Variants in TSKS observed in about 807,000 individuals in gnomAD.
TSKS encodes testis specific serine kinase substrate, also known as testis-specific serine kinase substrate.
Under a neutral mutation model 68.0 loss-of-function variants are expected in TSKS, and 27 were observed. The ratio of observed to expected loss-of-function variants is 0.40; its 90% confidence interval spans 0.29 to 0.55. The LOEUF is 0.55. Among genes scored for constraint, TSKS ranks in the 20% least tolerant of loss-of-function variants. TSKS has a pLI of 0.53. For synonymous variants in TSKS, 331 were observed against 340.4 expected (o/e 0.97, Z 0.30); for missense variants, 806 against 776.0 (o/e 1.04, Z -0.46).
chr19:49,740,885 CAA>C (rs534874558), intron 9 of TSKS, among the ~76,000 whole-genome samples: 3 of 123,868 alleles, frequency 2.4e-5, no homozygotes, highest in Admixed American at 8.2e-5. Flanking sequence ...ACTCTGTCTC[CAA>C]AAAAAAAAAG....
At position 49,747,366 on chromosome 19, in the gene TSKS, T is replaced by C. The variant is rs373756853; in HGVS notation, c.663+23A>G. On this transcript the variant is annotated intron_variant, in intron 5 of 10. Transcript: ENST00000246801. ...GCATCTGACCTCCTCCCACAAATCC[T>C]GGGACTGCCCCCTAGCCCTTACCTC... 75 of 1,614,108 alleles carry C rather than the reference T, an allele frequency of 4.6e-5. No homozygotes were observed. In the African/African-American group the frequency reaches 8.1e-4, roughly 17 times the overall value.
chr19:49,747,471 T>A lies in TSKS; in HGVS notation c.581A>T (p.Glu194Val). 1.9e-6 allele frequency: 3 copies of A among 1,614,218 alleles called. No individual in the cohort carries two copies. The highest frequency in any genetic ancestry group is 2.5e-6 in the Non-Finnish European group (3 of 1,180,040). Reference protein sequence around the residue: ...ELEGYCIQLKENCWKVTRSVE... With the variant: ...ELEGYCIQLKVNCWKVTRSVE... Reference sequence around the variant, plus strand: ...AGACCGGGTCACCTTCCAGCAGTTCTCCTGGGTCAGACACCAGGGCGAGGG... The same window carrying A: ...AGACCGGGTCACCTTCCAGCAGTTCACCTGGGTCAGACACCAGGGCGAGGG... Residue 194 changes from glutamate to valine, a missense_variant and splice_region_variant, in exon 5 of 11, where the codon GAG (glutamate) becomes GTG (valine). By Grantham distance (121) the Glu-to-Val change is moderately radical (BLOSUM62 -2). Coordinates refer to ENST00000246801, the MANE Select transcript of TSKS (RefSeq NM_021733.2).
At chr19:49,761,667 A>G (rs560247455) in intron 2 of TSKS, among the ~76,000 whole-genome samples, 2 of 152,222 alleles carry the variant, frequency 1.3e-5, no homozygotes, top group South Asian at 2.1e-4. Flanking sequence ...GACTGTGTGA[A>G]CTGAAGACCA....
chr19:49,750,737 C>T (rs1185610074), intron 2 of TSKS, among the ~76,000 whole-genome samples: 1 of 152,128 alleles, frequency 6.6e-6, no homozygotes, highest in Admixed American at 6.6e-5. Context: ...GTGGCGAGAG[C>T]AACTGTCTAG....
rs756683804 is a variant in TSKS, at chr19:49,739,931, C to T, written c.1624G>A (p.Glu542Lys). 1.8e-5 allele frequency: 29 copies of T among 1,610,378 alleles called. No individual in the cohort carries two copies. The East Asian group carries it at 5.6e-4, about 31-fold the overall frequency. ...AGATGGTCCAGAGTGGCCATCTTCTCCCTGTCATGAGGCAGCGGGGAGTTG... is the reference window on the plus strand; with the variant it reads ...AGATGGTCCAGAGTGGCCATCTTCTTCCTGTCATGAGGCAGCGGGGAGTTG... ...LLLTDKMKPE[E>K]KMATLDHLHL... Residue 542 changes from glutamate to lysine, a missense_variant and splice_region_variant, in exon 11 of 11, where the codon GAG (glutamate) becomes AAG (lysine). By Grantham distance (56) the Glu-to-Lys change is moderately conservative (BLOSUM62 1). Coordinates refer to ENST00000246801, the MANE Select transcript of TSKS (RefSeq NM_021733.2).
intron 2 of TSKS, among the ~76,000 whole-genome samples, chr19:49,749,549 A>G (rs1342029011): frequency 6.6e-6 from 1 of 152,020 alleles, no homozygotes; most frequent in Non-Finnish European, 1.5e-5. Flanking sequence ...GTTTCCTTGC[A>G]GCTAGGTGTG....
At chr19:49,755,304 G>A (rs1339796661) in intron 2 of TSKS, among the ~76,000 whole-genome samples, 1 of 152,072 alleles carries the variant, frequency 6.6e-6, no homozygotes, top group Admixed American at 6.6e-5. Context: ...GAAAGAAAGG[G>A]GCAGAAAGAA....
intron 2 of TSKS, among the ~76,000 whole-genome samples, chr19:49,754,116 C>A (rs991565441): frequency 1.3e-5 from 2 of 151,214 alleles, no homozygotes; most frequent in Admixed American, 6.6e-5. Flanking sequence ...GAACTCCTGA[C>A]CTCAGGTGAT....
At chr19:49,753,954 G>A (rs1204822193) in intron 2 of TSKS, among the ~76,000 whole-genome samples, 6 of 148,266 alleles carry the variant, frequency 4.0e-5, no homozygotes, top group Non-Finnish European at 6.0e-5. Context: ...GCATGATCTC[G>A]GCTCACTGCA....
chr19:49,756,487 T>C (rs186025284), intron 2 of TSKS, among the ~76,000 whole-genome samples: 4 of 151,184 alleles, frequency 2.6e-5, no homozygotes, highest in East Asian at 1.9e-4. Flanking sequence ...ACATACCATA[T>C]TAATAGAATA....
Position 49,760,637 on chromosome 19 carries a change from A to AT in TSKS, c.399+1366dup, listed in dbSNP as rs59855631. ...GGTCACTGCGCCTGGCCTACAAAAA[A>AT]TTTTTTTTTAATCAGCCAGGTGTGT... On this transcript the variant is annotated intron_variant, in intron 2 of 10. Coordinates refer to ENST00000246801, the MANE Select transcript of TSKS (RefSeq NM_021733.2). 2.2e-4 allele frequency among the ~76,000 whole-genome samples: 34 copies of AT among 151,532 alleles called. No homozygotes were observed. The East Asian group carries it at 6.0e-3, about 27-fold the overall frequency.
At chr19:49,749,589 T>C (rs1329342547) in intron 2 of TSKS, among the ~76,000 whole-genome samples, 1 of 151,878 alleles carries the variant, frequency 6.6e-6, no homozygotes, top group Non-Finnish European at 1.5e-5. Flanking sequence ...GCCAATGGAA[T>C]GTGAGTGGAA....
At chr19:49,759,624 G>A (rs1289109573) in intron 2 of TSKS, among the ~76,000 whole-genome samples, 1 of 145,994 alleles carries the variant, frequency 6.8e-6, no homozygotes, top group African/African-American at 2.6e-5. Flanking sequence ...CTCCAGCCTG[G>A]GCAACAGAAC....
chr19:49,749,506 C>A (rs1267248104), intron 2 of TSKS, among the ~76,000 whole-genome samples: 1 of 152,212 alleles, frequency 6.6e-6, no homozygotes, highest in African/African-American at 2.4e-5. Flanking sequence ...TAGCCTGGCA[C>A]ATGACTGCCC....
At chr19:49,759,198 C>CTT (rs2084418921) in intron 2 of TSKS, among the ~76,000 whole-genome samples, 1 of 150,600 alleles carries the variant, frequency 6.6e-6, no homozygotes, top group East Asian at 2.0e-4. Flanking sequence ...AAGCCGGGAG[C>CTT]GGTGGCTCAT....
chr19:49,747,431 T>A lies in TSKS; in HGVS notation c.621A>T (p.Glu207Asp), dbSNP rs772981883. ...TCTGCTTCAAGACGTTGGTTTTGAT[T>A]TCAGCATCTTCCACAGACCGGGTCA... ...WKVTRSVEDA[E>D]IKTNVLKQNS... Residue 207 changes from glutamate to aspartate, a missense_variant, in exon 5 of 11, where the codon GAA becomes GAT. Coordinates refer to ENST00000246801, the MANE Select transcript of TSKS (RefSeq NM_021733.2). 3 of 1,614,092 alleles carry A rather than the reference T, an allele frequency of 1.9e-6. No individual in the cohort carries two copies. Among genetic ancestry groups the A allele is most frequent in the Non-Finnish European group, 2.5e-6 (3 of 1,180,044 alleles).
At position 49,759,986 on chromosome 19, in the gene TSKS, C is replaced by T. The variant is rs185797962; in HGVS notation, c.399+2018G>A. Among the ~76,000 whole-genome samples, 199 of 151,574 alleles carry T rather than the reference C, an allele frequency of 1.3e-3. 5 individuals carry two copies. In the East Asian group the frequency reaches 0.027, roughly 20 times the overall value. On this transcript the variant is annotated intron_variant, in intron 2 of 10. Transcript: ENST00000246801. Reference sequence around the variant, plus strand: ...TGGCCAACATGGTGAAACCCCATCTCTACTAAAAATACAAAAATTAGTCAG... The same window carrying T: ...TGGCCAACATGGTGAAACCCCATCTTTACTAAAAATACAAAAATTAGTCAG...
In TSKS at chr19:49,746,728, T is replaced by C. The variant is rs2084305660; in HGVS notation, c.734A>G (p.Glu245Gly). 2 of 1,602,146 alleles carry C rather than the reference T, an allele frequency of 1.2e-6. No individual in the cohort carries two copies. Among genetic ancestry groups the C allele is most frequent in the Non-Finnish European group, 1.7e-6 (2 of 1,179,314 alleles). The change falls in exon 6 of 11, where the codon GAG becomes GGG. Residue 245 changes from glutamate to glycine, a missense_variant. Physicochemically the swap from Glu to Gly is moderately conservative, Grantham distance 98. Coordinates refer to ENST00000246801, the MANE Select transcript of TSKS (RefSeq NM_021733.2). ...TPRRQEAELQ[E>G]PEEKQEPEEK... ...CTCCGGCTCCTGCTTCTCCTCCGGC[T>C]CCTGCAGCTCGGCCTCCTGCCGTCG...
In TSKS at chr19:49,746,479, T is replaced by C. The variant is rs1395440848; in HGVS notation, c.983A>G (p.Glu328Gly). ...CCTAGGTCCCGCCCACCTCAGCTCTTCGATGCCGGTGAACAGCTTCTGCAA... is the reference window on the plus strand; with the variant it reads ...CCTAGGTCCCGCCCACCTCAGCTCTCCGATGCCGGTGAACAGCTTCTGCAA... ...QELQKLFTGI[E>G]ELRREVSSLT... The change falls in exon 6 of 11, where the codon GAA (glutamate) becomes GGA (glycine). Residue 328 changes from glutamate (E) to glycine (G), a missense_variant. By Grantham distance (98) the Glu-to-Gly change is moderately conservative. Coordinates refer to ENST00000246801, the MANE Select transcript of TSKS (RefSeq NM_021733.2). 1.2e-6 allele frequency: 2 copies of C among 1,613,798 alleles called. No individual in the cohort carries two copies. Among genetic ancestry groups the C allele is most frequent in the African/African-American group, 1.3e-5 (1 of 74,940 alleles).
Sources: allele counts gnomAD v4.1 joint callset (sites outside exome capture counted in the v4.1 genomes callset), GRCh38; gene constraint gnomAD v4.1.1; transcripts MANE v1.5; gene names NCBI Gene and HGNC (gene_info 2026-07-23, HGNC 2026-07-21).